Variants in UBE2V2 observed in about 807,000 individuals in gnomAD.
UBE2V2 encodes the protein ubiquitin-conjugating enzyme E2 variant 2.
UBE2V2 carries 9 observed loss-of-function variants against 17.2 expected under a neutral mutation model. That is an observed-to-expected ratio of 0.52 (90% CI 0.32 to 0.91). The LOEUF (loss-of-function observed/expected upper bound fraction) is 0.91, where lower values mean the gene tolerates loss of function less well. UBE2V2 is among the 40% of genes least tolerant of loss of function. UBE2V2 has a pLI of 0.04. For synonymous variants in UBE2V2, 61 were observed against 57.5 expected (o/e 1.06, Z -0.28); for missense variants, 133 against 182.6 (o/e 0.73, Z 1.56).
intron 3 of UBE2V2, among the ~76,000 whole-genome samples, chr8:48,057,303 T>C (rs936426144): frequency 6.6e-5 from 10 of 152,148 alleles, no homozygotes; most frequent in African/African-American, 2.4e-4. Context: ...AAATTATTTT[T>C]ATTTATTTAT....
At chr8:48,058,913 C>CT in intron 3 of UBE2V2, among the ~76,000 whole-genome samples, 1 of 151,694 alleles carries the variant, frequency 6.6e-6, no homozygotes, top group Non-Finnish European at 1.5e-5. Context: ...TGTATATAAT[C>CT]TTTTTTGTTT....
At chr8:48,047,335 C>A (rs1306433757) in intron 2 of UBE2V2, among the ~76,000 whole-genome samples, 3 of 152,070 alleles carry the variant, frequency 2.0e-5, no homozygotes, top group Non-Finnish European at 4.4e-5. Context: ...TTTTCTGAAG[C>A]AATATTTGTT....
intron 3 of UBE2V2, among the ~76,000 whole-genome samples, chr8:48,053,622 C>T (rs1440903072): frequency 6.6e-6 from 1 of 151,788 alleles, no homozygotes; most frequent in Non-Finnish European, 1.5e-5. Flanking sequence ...GACAGGGTTT[C>T]ACCATGTTGG....
intron 3 of UBE2V2, among the ~76,000 whole-genome samples, chr8:48,051,063 G>C (rs772738992): frequency 5.3e-5 from 8 of 151,950 alleles, no homozygotes; most frequent in Non-Finnish European, 1.2e-4. Flanking sequence ...GGCCAGGCTG[G>C]ACTCAACTCC....
intron 1 of UBE2V2, among the ~76,000 whole-genome samples, chr8:48,028,980 AT>A (rs1456986195): frequency 2.6e-5 from 4 of 151,882 alleles, no homozygotes; most frequent in East Asian, 1.9e-4. Flanking sequence ...AGACCAATTA[AT>A]TTTTTTTCTA....
chr8:48,011,274 T>G (rs1486341242), intron 1 of UBE2V2, among the ~76,000 whole-genome samples: 5 of 151,968 alleles, frequency 3.3e-5, no homozygotes, highest in Admixed American at 3.3e-4. Context: ...TTTAAGCAAT[T>G]CTCCTGCCTC....
At chr8:48,023,339 C>G (rs2091318439) in intron 1 of UBE2V2, among the ~76,000 whole-genome samples, 1 of 151,946 alleles carries the variant, frequency 6.6e-6, no homozygotes, top group Non-Finnish European at 1.5e-5. Flanking sequence ...CCTCAGCCTC[C>G]TGAGTAGCTG....
intron 2 of UBE2V2, 81 bp from the exon 3 acceptor site, chr8:48,049,772 T>G: frequency 7.6e-7 from 1 of 1,323,432 alleles, no homozygotes; most frequent in Non-Finnish European, 1.0e-6. Context: ...TATTGTACTT[T>G]CCCTTTTTTT....
Position 48,061,422 on chromosome 8 carries a change from A to G in UBE2V2, c.*594A>G, listed in dbSNP as rs1045544001. 1.3e-5 allele frequency: 2 copies of G among 152,690 alleles called. No homozygotes were observed. The highest frequency in any genetic ancestry group is 4.8e-5 in the African/African-American group (2 of 41,480). The allele number at this position is 152,690 out of a possible 1,614,324, so 9.5% of individuals were successfully genotyped here. Reference sequence around the variant, plus strand: ...TTCTTGTGTGTTACATGTAACAGACATGGTAAATATTTGTTTACAGTCTTT... The same window carrying G: ...TTCTTGTGTGTTACATGTAACAGACGTGGTAAATATTTGTTTACAGTCTTT... On this transcript the variant is annotated 3_prime_UTR_variant, in exon 4 of 4. Transcript: ENST00000523111.
chr8:48,001,375 G>A, the UBE2V2 span, among the ~76,000 whole-genome samples: 7 of 152,186 alleles, frequency 4.6e-5, no homozygotes, highest in African/African-American at 1.4e-4. Flanking sequence ...CGAGGTGGGC[G>A]GATCACTTGA....
chr8:48,013,035 C>T (rs1346884629), intron 1 of UBE2V2, among the ~76,000 whole-genome samples: 1 of 151,850 alleles, frequency 6.6e-6, no homozygotes, highest in Admixed American at 6.6e-5. Flanking sequence ...TTAGTAGAGA[C>T]AGGGTTTCAC....
chr8:48,038,196 C>T (rs2091437561), intron 1 of UBE2V2, among the ~76,000 whole-genome samples: 1 of 152,198 alleles, frequency 6.6e-6, no homozygotes, highest in African/African-American at 2.4e-5. Context: ...TAAATTCTTG[C>T]TTCAGATTGT....
At chr8:47,999,213 C>G in the UBE2V2 span, among the ~76,000 whole-genome samples, 1 of 152,098 alleles carries the variant, frequency 6.6e-6, no homozygotes. Flanking sequence ...GGGTGGGCAG[C>G]ACCAAAGAAG....
intron 1 of UBE2V2, among the ~76,000 whole-genome samples, chr8:48,016,817 C>T (rs1482852882): frequency 7.6e-6 from 1 of 131,414 alleles, no homozygotes; most frequent in African/African-American, 2.9e-5. Flanking sequence ...GACAGAGTCT[C>T]GCTCTGTCGC....
intron 1 of UBE2V2, among the ~76,000 whole-genome samples, chr8:48,027,953 A>C (rs1383564100): frequency 2.0e-5 from 3 of 151,860 alleles, no homozygotes; most frequent in African/African-American, 7.3e-5. Context: ...TCCTGGGTTC[A>C]AGCGATTCTC....
chr8:48,060,660 G>T, intron 3 of UBE2V2, 22 bp from the exon 4 acceptor site: 1 of 1,435,384 alleles, frequency 7.0e-7, no homozygotes. Context: ...CTAGTTAACT[G>T]TACTCTTTCC....
chr8:48,041,537 A>C (rs2091464572), intron 1 of UBE2V2, among the ~76,000 whole-genome samples: 1 of 152,178 alleles, frequency 6.6e-6, no homozygotes, highest in Non-Finnish European at 1.5e-5. Flanking sequence ...GATACTTAAG[A>C]AATTGTCTAA....
intron 1 of UBE2V2, among the ~76,000 whole-genome samples, chr8:48,019,064 C>G (rs1187536470): frequency 6.6e-6 from 1 of 151,886 alleles, no homozygotes; most frequent in East Asian, 1.9e-4. Context: ...AATCCCATCT[C>G]TATTAAAAAT....
upstream of UBE2V2, among the ~76,000 whole-genome samples, chr8:48,003,471 C>T (rs1345837423): frequency 2.6e-5 from 4 of 152,042 alleles, no homozygotes; most frequent in Non-Finnish European, 5.9e-5. Flanking sequence ...GGGGAGATAG[C>T]ATGAAAATGT....
Sources: allele counts gnomAD v4.1 joint callset (sites outside exome capture counted in the v4.1 genomes callset), GRCh38; gene constraint gnomAD v4.1.1; transcripts MANE v1.5; gene names NCBI Gene and HGNC (gene_info 2026-07-23, HGNC 2026-07-21).